Variants in MKX observed in about 807,000 individuals in gnomAD.
The protein encoded by MKX is mohawk homeobox.
A neutral mutation model predicts 36.0 loss-of-function variants in MKX; 13 were observed. The observed-to-expected ratio is 0.36, with a 90% CI of 0.24 to 0.57. The LOEUF (loss-of-function observed/expected upper bound fraction) is 0.57, where lower values mean the gene tolerates loss of function less well. Among genes scored for constraint, MKX ranks in the 20% least tolerant of loss-of-function variants. The probability of loss-of-function intolerance (pLI) is 0.79; values close to 1 mark genes in which losing one functional copy is unlikely to be tolerated. For synonymous variants in MKX, 176 were observed against 178.3 expected, an observed-to-expected ratio of 0.99 and a Z score of 0.10; for missense variants, 458 against 456.4, an observed-to-expected ratio of 1.00 and a Z score of -0.03.
rs149049062 is a variant in MKX, at chr10:27,735,242, T to C, written c.481A>G (p.Ser161Gly). ...AAACCTTCAGAACATGAGTCATCAC[T>C]GCTTACGCTAAGCCGTTCAGCATTG... ...QGNAERLSVSSDDSCSEDGEN... is the reference protein window; with the variant it reads ...QGNAERLSVSGDDSCSEDGEN... Residue 161 changes from serine to glycine, a missense_variant, in exon 4 of 7, where the codon AGT (serine) becomes GGT (glycine). Transcript: ENST00000419761. 103 of 1,602,622 alleles carry C rather than the reference T, an allele frequency of 6.4e-5. No homozygotes were observed. The South Asian group carries it at 1.1e-3, about 18-fold the overall frequency.
At chr10:27,737,256 T>G (rs183668506) in intron 3 of MKX, among the ~76,000 whole-genome samples, 1 of 152,304 alleles carries the variant, frequency 6.6e-6, no homozygotes, top group East Asian at 1.9e-4. Flanking sequence ...TAGCTGGGAA[T>G]TTGAAAACAT....
Position 27,734,646 on chromosome 10 carries a change from G to C in MKX, c.648C>G (p.Pro216=), listed in dbSNP as rs1193727012. 1.9e-6 allele frequency: 3 copies of C among 1,613,928 alleles called. No homozygotes were observed. Among genetic ancestry groups the C allele is most frequent in the Non-Finnish European group, 2.5e-6 (3 of 1,179,998 alleles). ...GGTTCAACAAGCTGCTCTTGTATTTGGGGGGTGCCACGTAGTCCTCACTGG... is the reference window on the plus strand; with the variant it reads ...GGTTCAACAAGCTGCTCTTGTATTTCGGGGGTGCCACGTAGTCCTCACTGG... The part of the protein sequence containing the change: ...SRASEDYVAP[P]KYKSSLLNRY... Residue 216 remains proline (P), a synonymous_variant, in exon 5 of 7, where the codon CCC becomes CCG. Transcript: ENST00000419761.
intron 1 of MKX, 182 bp downstream of exon 1, chr10:27,745,525 G>A (rs1835035454): frequency 6.6e-6 from 1 of 152,522 alleles, no homozygotes; most frequent in South Asian, 2.1e-4. Flanking sequence ...CGGCCAGGTG[G>A]GCTCCCAAGC....
chr10:27,707,243 G>A (rs1283640610), intron 5 of MKX, among the ~76,000 whole-genome samples: 3 of 147,162 alleles, frequency 2.0e-5, no homozygotes, highest in Non-Finnish European at 4.4e-5. Flanking sequence ...TTGTGCTTTG[G>A]TGCACTCTTT....
intron 5 of MKX, among the ~76,000 whole-genome samples, chr10:27,713,399 T>C (rs546960538): frequency 8.5e-4 from 129 of 152,336 alleles, no homozygotes; most frequent in African/African-American, 3.0e-3. Flanking sequence ...AAGCAGTCCA[T>C]GTACAAAAGG....
intron 5 of MKX, among the ~76,000 whole-genome samples, chr10:27,717,332 T>C (rs999884761): frequency 1.4e-4 from 21 of 152,246 alleles, no homozygotes; most frequent in African/African-American, 4.8e-4. Context: ...TGATTTGTTA[T>C]GCAGCAAGAG....
chr10:27,687,076 G>A (rs1297495375), intron 5 of MKX, among the ~76,000 whole-genome samples: 1 of 151,286 alleles, frequency 6.6e-6, no homozygotes, highest in African/African-American at 2.4e-5. Context: ...GCACGATCTC[G>A]GTTCACTGCA....
At position 27,744,528 on chromosome 10, in the gene MKX, G is replaced by A. The variant is rs1438612153; in HGVS notation, c.-82-1031C>T. 2.0e-5 allele frequency among the ~76,000 whole-genome samples: 3 copies of A among 152,054 alleles called. No homozygotes were observed. Among genetic ancestry groups the A allele is most frequent in the African/African-American group, 4.8e-5 (2 of 41,410 alleles). On this transcript the variant is annotated intron_variant, in intron 1 of 6. Coordinates refer to ENST00000419761, the MANE Select transcript of MKX (RefSeq NM_173576.3). The surrounding 1 kb of genome is among the most constrained non-coding windows in gnomAD (Gnocchi z 5.6). The stretch of plus-strand genomic sequence containing the variant: ...CCGGCGTCAGGAGCAAGTCCGCGCG[G>A]CCGCGGAGCCGCAGAGTTACAGCCC...
rs932276528 is a variant in MKX, at chr10:27,674,928, G to T, written c.*301C>A. The T allele has an allele frequency of 2.4e-5, 6 of 252,254 alleles. No individual in the cohort carries two copies. The highest frequency in any genetic ancestry group is 4.6e-5 in the Non-Finnish European group (6 of 131,096). 15.6% of individuals were successfully genotyped at this position (252,254 alleles called of 1,614,324 possible). ...TATGGCGTTGGCATTTTGAGGCATA[G>T]CTTGTTCAACTATGCCCACGTTGGA... is the stretch of plus-strand genomic sequence containing the variant. On this transcript the variant is annotated 3_prime_UTR_variant, in exon 7 of 7. Transcript: ENST00000419761.
chr10:27,692,028 C>G (rs1176517281), intron 5 of MKX, among the ~76,000 whole-genome samples: 1 of 152,218 alleles, frequency 6.6e-6, no homozygotes, highest in East Asian at 1.9e-4. Context: ...ATGCATGTGT[C>G]TTTTTGGTCG....
chr10:27,729,292 C>CTTTTTTT (rs57352901), intron 5 of MKX, among the ~76,000 whole-genome samples: 2 of 118,118 alleles, frequency 1.7e-5, no homozygotes, highest in Admixed American at 9.8e-5. Context: ...TGCACTAGGC[C>CTTTTTTT]TTTTTTTTTT....
intron 5 of MKX, among the ~76,000 whole-genome samples, chr10:27,699,344 G>A (rs1836611391): frequency 6.6e-6 from 1 of 151,952 alleles, no homozygotes. Context: ...AAAAGAAGGA[G>A]TTATTCAGTG....
At chr10:27,697,768 C>G (rs968064555) in intron 5 of MKX, among the ~76,000 whole-genome samples, 2 of 152,162 alleles carry the variant, frequency 1.3e-5, no homozygotes, top group East Asian at 3.8e-4. Context: ...AAGAAGCTCA[C>G]TTTGTGGTGA....
chr10:27,733,984 T>G (rs534675788), intron 5 of MKX, among the ~76,000 whole-genome samples: 5 of 152,310 alleles, frequency 3.3e-5, no homozygotes, highest in African/African-American at 1.2e-4. Context: ...CCATCACTAT[T>G]TAGCAATCAA....
chr10:27,739,158 AACCCCAATCACAT>A (rs1834839634), intron 3 of MKX, among the ~76,000 whole-genome samples: 1 of 152,094 alleles, frequency 6.6e-6, no homozygotes, highest in Non-Finnish European at 1.5e-5. Context: ...CAATAATACA[AACCCCAATCACAT>A]ACCATTTTAT....
chr10:27,677,456 G>A (rs1006959701), intron 5 of MKX, among the ~76,000 whole-genome samples: 9 of 152,110 alleles, frequency 5.9e-5, no homozygotes, highest in African/African-American at 1.4e-4. Flanking sequence ...CAACATGATC[G>A]TCATATAGTC....
intron 5 of MKX, among the ~76,000 whole-genome samples, chr10:27,682,938 C>G (rs527475270): frequency 1.3e-5 from 2 of 151,366 alleles, no homozygotes; most frequent in South Asian, 4.2e-4. Context: ...GAGATCTCAT[C>G]GTGCCACTGC....
intron 5 of MKX, among the ~76,000 whole-genome samples, chr10:27,706,157 C>T (rs902231029): frequency 1.1e-4 from 16 of 152,080 alleles, no homozygotes; most frequent in Non-Finnish European, 2.2e-4. Context: ...TGACTTATTT[C>T]ACTTAGCACA....
At chr10:27,677,309 T>A (rs890742604) in intron 5 of MKX, among the ~76,000 whole-genome samples, 1 of 152,130 alleles carries the variant, frequency 6.6e-6, no homozygotes, top group Non-Finnish European at 1.5e-5. Context: ...TTACGCCCCC[T>A]GCCCCTGCCA....
Sources: gnomAD v4.1 joint callset for allele counts (sites outside exome capture counted in the v4.1 genomes callset) on GRCh38, gnomAD v4.1.1 for gene constraint, Gnocchi (gnomAD v3.1) non-coding constraint, MANE v1.5 for transcripts, NCBI Gene and HGNC (gene_info 2026-07-23, HGNC 2026-07-21) for gene names.